Variants in WNT9B observed in about 807,000 individuals in gnomAD.
WNT9B encodes the protein Wnt family member 9B.
A neutral mutation model predicts 30.2 loss-of-function variants in WNT9B; 12 were observed. The ratio of observed to expected loss-of-function variants is 0.40; its 90% CI spans 0.26 to 0.64. The LOEUF (loss-of-function observed/expected upper bound fraction) is 0.64, where lower values mean the gene tolerates loss of function less well. Among genes scored for constraint, WNT9B ranks in the 30% least tolerant of loss-of-function variants. The pLI is 0.42. For synonymous variants in WNT9B, 218 were observed against 216.9 expected (o/e 1.01, Z -0.05); for missense variants, 442 against 485.2 (o/e 0.91, Z 0.84).
Position 46,875,172 on chromosome 17 carries a change from A to G in WNT9B, c.406A>G (p.Ser136Gly). 6.2e-7 allele frequency: 1 copy of G among 1,613,998 alleles called. No individual in the cohort carries two copies. The highest frequency in any genetic ancestry group is 8.5e-7 in the Non-Finnish European group (1 of 1,180,022). Residue 136 changes from serine (S) to glycine (G), a missense_variant, in exon 3 of 4, where the codon AGC becomes GGC. Physicochemically the swap from Ser to Gly is moderately conservative, Grantham distance 56. Coordinates refer to ENST00000290015, the MANE Select transcript of WNT9B (RefSeq NM_003396.3). The part of the protein sequence containing the change: ...ALTHTLARAC[S>G]AGRMERCTCD... ...CACCCACACCCTGGCCCGGGCCTGC[A>G]GCGCTGGGCGCATGGAGCGCTGCAC...
intron 1 of WNT9B, among the ~76,000 whole-genome samples, chr17:46,845,739 C>T (rs1047857673): frequency 1.1e-4 from 17 of 150,524 alleles, no homozygotes; most frequent in South Asian, 8.4e-4. Flanking sequence ...CCAACCACCT[C>T]GGCCTCCCAA....
chr17:46,864,036 C>T (rs1378535982), intron 1 of WNT9B, among the ~76,000 whole-genome samples: 1 of 152,210 alleles, frequency 6.6e-6, no homozygotes, highest in East Asian at 1.9e-4. Context: ...ATGGCACTGT[C>T]CTCATCATTG....
intron 1 of WNT9B, among the ~76,000 whole-genome samples, chr17:46,843,267 C>T (rs984567000): frequency 6.6e-6 from 1 of 152,228 alleles, no homozygotes; most frequent in South Asian, 2.1e-4. Flanking sequence ...AACACTTTTT[C>T]AACCTCCTCT....
intron 1 of WNT9B, among the ~76,000 whole-genome samples, chr17:46,840,011 CTTTCTTTCTTTCTTTCTTTCT>C (rs1437699568): frequency 4.8e-5 from 4 of 82,940 alleles, no homozygotes; most frequent in African/African-American, 2.1e-4. Flanking sequence ...TTCTTTCTTT[CTTTCTTTCTTTCTTTCTTTCT>C]TTTCTTTCTT....
At chr17:46,834,601 T>C (rs2084602598) in intron 1 of WNT9B, among the ~76,000 whole-genome samples, 1 of 152,112 alleles carries the variant, frequency 6.6e-6, no homozygotes, top group South Asian at 2.1e-4. Context: ...GGGCTGTAGG[T>C]AGGGGCTCAG....
At chr17:46,874,045 G>A (rs925073971) in intron 2 of WNT9B, among the ~76,000 whole-genome samples, 1 of 151,702 alleles carries the variant, frequency 6.6e-6, no homozygotes, top group Non-Finnish European at 1.5e-5. Context: ...GCCCCTCCTA[G>A]GCCAGCTGCT....
chr17:46,882,273 C>T (rs995585650), downstream of WNT9B, among the ~76,000 whole-genome samples: 1 of 152,212 alleles, frequency 6.6e-6, no homozygotes, highest in African/African-American at 2.4e-5. Flanking sequence ...CTAGAACAGT[C>T]CCCCTCTTTC....
At chr17:46,875,983 T>C (rs561909649) in intron 3 of WNT9B, among the ~76,000 whole-genome samples, 1 of 151,962 alleles carries the variant, frequency 6.6e-6, no homozygotes, top group South Asian at 2.1e-4. Flanking sequence ...GAACCGGGGC[T>C]GCTGTGTTCA....
chr17:46,842,030 C>T (rs1413992518), intron 1 of WNT9B, among the ~76,000 whole-genome samples: 1 of 152,148 alleles, frequency 6.6e-6, no homozygotes, highest in Non-Finnish European at 1.5e-5. Flanking sequence ...GCGCCCTCGG[C>T]GGGGCCTGGG....
chr17:46,875,022 C>A (rs569419861), intron 2 of WNT9B, 79 bp from the exon 3 acceptor site: 1 of 1,608,422 alleles, frequency 6.2e-7, no homozygotes, highest in Non-Finnish European at 8.5e-7. Flanking sequence ...CCTCAGAGGG[C>A]GGCAGGCAAC....
At chr17:46,874,898 C>A in intron 2 of WNT9B, 1 of 781,188 alleles carries the variant, frequency 1.3e-6, no homozygotes, top group Non-Finnish European at 2.2e-6. Flanking sequence ...ATTTAAATGG[C>A]AACTTGCAGT....
chr17:46,879,649 C>A lies in WNT9B; in HGVS notation c.*2931C>A, dbSNP rs1021311079. On this transcript the variant is annotated 3_prime_UTR_variant, in exon 4 of 4. Coordinates refer to ENST00000290015, the MANE Select transcript of WNT9B (RefSeq NM_003396.3). Reference sequence around the variant, plus strand: ...AGATGGAGAGCTGTGCTCAAAGTCACACCTAAGAGACTTGTTCAATGAATA... The same window carrying A: ...AGATGGAGAGCTGTGCTCAAAGTCAAACCTAAGAGACTTGTTCAATGAATA... Among the ~76,000 whole-genome samples the A allele has an allele frequency of 1.3e-5, 2 of 151,934 alleles. No individual in the cohort carries two copies. Among genetic ancestry groups the A allele is most frequent in the Admixed American group, 6.5e-5 (1 of 15,280 alleles).
intron 1 of WNT9B, among the ~76,000 whole-genome samples, chr17:46,860,609 A>G (rs1390939643): frequency 6.6e-6 from 1 of 152,236 alleles, no homozygotes; most frequent in Non-Finnish European, 1.5e-5. Flanking sequence ...ATATATAGGT[A>G]TTCAAATGCT....
Position 46,872,854 on chromosome 17 carries a change from C to G in WNT9B, c.334+81C>G, listed in dbSNP as rs543338707. On this transcript the variant is annotated intron_variant, in intron 2 of 3. Coordinates refer to ENST00000290015, the MANE Select transcript of WNT9B (RefSeq NM_003396.3). ...AGGAGGCTGGGAGAGGCTGCCCTTTCCTTTTTCCTGGCTCCCGTGCCCAGG... is the reference window on the plus strand; with the variant it reads ...AGGAGGCTGGGAGAGGCTGCCCTTTGCTTTTTCCTGGCTCCCGTGCCCAGG... 6.4e-5 allele frequency: 94 copies of G among 1,467,886 alleles called. No homozygotes were observed. The East Asian group carries it at 2.2e-3, about 34-fold the overall frequency. The allele number at this position is 1,467,886 out of a possible 1,614,324, so 90.9% of individuals were successfully genotyped here. A position where few individuals can be genotyped will look rare whatever the true frequency, so the allele number is the denominator to read the frequency against.
At chr17:46,869,885 G>C (rs2085208517) in intron 1 of WNT9B, among the ~76,000 whole-genome samples, 1 of 152,054 alleles carries the variant, frequency 6.6e-6, no homozygotes, top group Non-Finnish European at 1.5e-5. Flanking sequence ...TGTAGTCCCA[G>C]CTACTCGGGA....
At chr17:46,861,771 A>C (rs2085041510) in intron 1 of WNT9B, among the ~76,000 whole-genome samples, 1 of 152,230 alleles carries the variant, frequency 6.6e-6, no homozygotes. Flanking sequence ...GAAACTTCCA[A>C]GAGGCTGGTT....
rs140665892 is a variant in WNT9B, at chr17:46,843,809, C to T, written c.95+10369C>T. 5.2e-3 allele frequency among the ~76,000 whole-genome samples: 797 copies of T among 152,312 alleles called. 13 individuals are homozygous for T. The highest frequency in any genetic ancestry group is 0.018 in the African/African-American group (745 of 41,558). On this transcript the variant is annotated intron_variant, in intron 1 of 2. Coordinates refer to the WNT9B transcript ENST00000575372. ...ACTTATATAGATATGTCAGAATGCT[C>T]TCTGTATTTATTTATGTGTCTTTCC...
intron 1 of WNT9B, among the ~76,000 whole-genome samples, chr17:46,852,843 G>A (rs2084877098): frequency 6.6e-6 from 1 of 152,234 alleles, no homozygotes; most frequent in South Asian, 2.1e-4. Flanking sequence ...GGTATGTAAA[G>A]GTCTGAGAAG....
At chr17:46,885,006 T>A (rs1399442566), downstream of WNT9B, 1 of 438,830 alleles carries the variant, frequency 2.3e-6, no homozygotes, top group African/African-American at 2.0e-5. Flanking sequence ...CTTTTTTTTT[T>A]AGACGAAGTC....
Sources: allele counts gnomAD v4.1 joint callset (sites outside exome capture counted in the v4.1 genomes callset), GRCh38; gene constraint gnomAD v4.1.1; transcripts MANE v1.5; gene names NCBI Gene and HGNC (gene_info 2026-07-23, HGNC 2026-07-21).